OTULINL: variants seen among roughly 807,000 people sequenced by gnomAD.
OTULINL encodes OTU deubiquitinase with linear linkage specificity like.
Under a neutral mutation model 43.9 loss-of-function variants are expected in OTULINL, and 42 were observed. That is an observed-to-expected ratio of 0.96 (90% CI 0.75 to 1.24). OTULINL has a LOEUF of 1.24. Among genes scored for constraint, OTULINL ranks in the 50% most tolerant of loss-of-function variants. OTULINL has a pLI of 0.00. For synonymous variants in OTULINL, 172 were observed against 153.6 expected (o/e 1.12, Z -0.88); for missense variants, 411 against 426.4 (o/e 0.96, Z 0.32).
chr5:14,597,403 A>G (rs1579920972), intron 1 of OTULINL, among the ~76,000 whole-genome samples: 1 of 152,124 alleles, frequency 6.6e-6, no homozygotes, highest in East Asian at 1.9e-4. Context: ...AGGGGAAATC[A>G]CTTGCCCCAT....
chr5:14,593,362 A>G (rs1026965145), intron 1 of OTULINL, among the ~76,000 whole-genome samples: 1 of 152,220 alleles, frequency 6.6e-6, no homozygotes, highest in Admixed American at 6.5e-5. Flanking sequence ...ACCCTGTGCT[A>G]TCACCACTTT....
At chr5:14,582,845 C>T (rs935142553) in intron 1 of OTULINL, among the ~76,000 whole-genome samples, 10 of 149,240 alleles carry the variant, frequency 6.7e-5, no homozygotes, top group Admixed American at 4.0e-4. Context: ...AAAAATCACC[C>T]GACAAGGGCA....
chr5:14,614,873 A>G lies in OTULINL; in HGVS notation c.*4559A>G. The stretch of plus-strand genomic sequence containing the variant: ...AATTGACGTATTGGTCCTTATAGTC[A>G]GTACCATCAGGTCTTAGATTGTTAA... On this transcript the variant is annotated 3_prime_UTR_variant, in exon 8 of 8. Transcript: ENST00000274217. The G allele has an allele frequency of 2.5e-6, 1 of 397,602 alleles. No homozygotes were observed. The highest frequency in any genetic ancestry group is 4.4e-6 in the Non-Finnish European group (1 of 225,930). The allele number at this position is 397,602 out of a possible 1,614,324, so 24.6% of individuals were successfully genotyped here. A position where few individuals can be genotyped will look rare whatever the true frequency, so the allele number is the denominator to read the frequency against.
rs929117553 is a variant in OTULINL at position 14,591,071 on chromosome 5, A to G, written c.64+9113A>G. 2.6e-5 allele frequency among the ~76,000 whole-genome samples: 4 copies of G among 152,218 alleles called. 1 individual carries two copies. Among genetic ancestry groups the G allele is most frequent in the Non-Finnish European group, 5.9e-5 (4 of 68,036 alleles). On this transcript the variant is annotated intron_variant, in intron 1 of 7. Coordinates refer to ENST00000274217, the MANE Select transcript of OTULINL (RefSeq NM_019018.3). ...AACTATTAGTGATGGTGCCCAAATGATTCTGAGTAATGGAAAAGTCACCCC... is the reference window on the plus strand; with the variant it reads ...AACTATTAGTGATGGTGCCCAAATGGTTCTGAGTAATGGAAAAGTCACCCC...
chr5:14,583,615 C>G (rs1759055321), intron 1 of OTULINL, among the ~76,000 whole-genome samples: 3 of 152,186 alleles, frequency 2.0e-5, no homozygotes, highest in African/African-American at 4.8e-5. Flanking sequence ...AGATTCTTTC[C>G]TCTGCTCCAA....
intron 1 of OTULINL, among the ~76,000 whole-genome samples, chr5:14,592,623 GAGCACTCTGGGA>G (rs1759223851): frequency 6.6e-6 from 1 of 152,186 alleles, no homozygotes; most frequent in Admixed American, 6.5e-5. Flanking sequence ...ATTGCTGAGG[GAGCACTCTGGGA>G]AGCCTAAAAA....
Position 14,581,949 on chromosome 5 carries a change from C to T in OTULINL, c.55C>T (p.Pro19Ser). The change falls in exon 1 of 8, where the codon CCC (proline) becomes TCC (serine). Residue 19 changes from proline (P) to serine (S), a missense_variant. Transcript: ENST00000274217. ...RARERERSGA[P>S]AAGSDQVHSW... Reference sequence around the variant, plus strand: ...AAGGGAGCGGGAGCGGTCTGGCGCTCCCGCCGCAGGTGAGCCTGGGGCCGG... The same window carrying T: ...AAGGGAGCGGGAGCGGTCTGGCGCTTCCGCCGCAGGTGAGCCTGGGGCCGG... 7.3e-7 allele frequency: 1 copy of T among 1,362,318 alleles called. No individual in the cohort carries two copies. The highest frequency in any genetic ancestry group is 9.5e-7 in the Non-Finnish European group (1 of 1,057,902). 84.4% of individuals were successfully genotyped at this position (1,362,318 alleles called of 1,614,324 possible).
chr5:14,605,498 A>T (rs1204779268), intron 5 of OTULINL, among the ~76,000 whole-genome samples: 1 of 152,146 alleles, frequency 6.6e-6, no homozygotes, highest in Non-Finnish European at 1.5e-5. Flanking sequence ...TTGGCTTCTC[A>T]TTAGTTACGC....
rs1283925811 is a variant in OTULINL at position 14,614,518 on chromosome 5, C to G, written c.*4204C>G. On this transcript the variant is annotated 3_prime_UTR_variant, in exon 8 of 8. Coordinates refer to ENST00000274217, the MANE Select transcript of OTULINL (RefSeq NM_019018.3). ...TAATTCACTTCTGTTTTAATCCCAT[C>G]ATATTCCTTTAGGCCAAGAAAAGGA... is the stretch of plus-strand genomic sequence containing the variant. The G allele has an allele frequency of 2.5e-6, 1 of 398,122 alleles. No homozygotes were observed. Among genetic ancestry groups the G allele is most frequent in the Non-Finnish European group, 4.4e-6 (1 of 226,054 alleles). The allele number at this position is 398,122 out of a possible 1,614,324, so 24.7% of individuals were successfully genotyped here. A position where few individuals can be genotyped will look rare whatever the true frequency, so the allele number is the denominator to read the frequency against.
intron 5 of OTULINL, among the ~76,000 whole-genome samples, chr5:14,606,584 A>G (rs1759482035): frequency 6.6e-6 from 1 of 152,206 alleles, no homozygotes; most frequent in South Asian, 2.1e-4. Flanking sequence ...GGTATGTTAC[A>G]ATGGAGGATG....
At chr5:14,589,756 G>A (rs1010024362) in intron 1 of OTULINL, among the ~76,000 whole-genome samples, 2 of 152,118 alleles carry the variant, frequency 1.3e-5, no homozygotes, top group African/African-American at 4.8e-5. Flanking sequence ...TTCGAGACCA[G>A]CCTGGCCAAC....
At chr5:14,586,834 C>A (rs992004903) in intron 1 of OTULINL, among the ~76,000 whole-genome samples, 1 of 151,400 alleles carries the variant, frequency 6.6e-6, no homozygotes, top group Admixed American at 6.6e-5. Flanking sequence ...TCCCTCAAAT[C>A]GGAAGTGAAA....
intron 5 of OTULINL, among the ~76,000 whole-genome samples, chr5:14,602,727 T>C (rs1413399020): frequency 6.6e-6 from 1 of 152,180 alleles, no homozygotes; most frequent in Non-Finnish European, 1.5e-5. Flanking sequence ...TGAGCCATCA[T>C]GTCTGGCCAG....
At chr5:14,589,802 A>G (rs190169318) in intron 1 of OTULINL, among the ~76,000 whole-genome samples, 187 of 152,256 alleles carry the variant, frequency 1.2e-3, no homozygotes, top group African/African-American at 4.3e-3. Context: ...AAATACAAAA[A>G]TTAGCCAGGT....
chr5:14,602,440 A>AT, intron 5 of OTULINL, 108 bp downstream of exon 5: 3 of 1,157,008 alleles, frequency 2.6e-6, no homozygotes, highest in South Asian at 3.1e-5. Flanking sequence ...GATTGAAGAG[A>AT]TTTTTTTGTT....
intron 1 of OTULINL, among the ~76,000 whole-genome samples, chr5:14,596,061 C>T (rs961333696): frequency 1.1e-4 from 16 of 152,174 alleles, no homozygotes; most frequent in Admixed American, 7.9e-4. Context: ...TCCACTTCCC[C>T]TTGCAACTTC....
chr5:14,591,643 C>T (rs1383570307), intron 1 of OTULINL, among the ~76,000 whole-genome samples: 1 of 152,132 alleles, frequency 6.6e-6, no homozygotes, highest in African/African-American at 2.4e-5. Flanking sequence ...AACCCCTGGC[C>T]CTCTCTTCCC....
intron 5 of OTULINL, 149 bp downstream of exon 5, chr5:14,602,481 G>A (rs1759405836): frequency 1.5e-6 from 1 of 684,114 alleles, no homozygotes; most frequent in Non-Finnish European, 2.4e-6. Context: ...TGTCACCCAG[G>A]ATTGAGTGTA....
At chr5:14,582,591 C>T (rs1289730144) in intron 1 of OTULINL, among the ~76,000 whole-genome samples, 2 of 152,008 alleles carry the variant, frequency 1.3e-5, no homozygotes, top group Non-Finnish European at 2.9e-5. Context: ...GTCAGGAGTT[C>T]GAGACCAGCC....
Sources: allele counts gnomAD v4.1 joint callset (sites outside exome capture counted in the v4.1 genomes callset), GRCh38; gene constraint gnomAD v4.1.1; transcripts MANE v1.5; gene names NCBI Gene and HGNC (gene_info 2026-07-23, HGNC 2026-07-21).